FAM3C: variants seen among roughly 807,000 people sequenced by gnomAD.
FAM3C encodes FAM3 metabolism regulating signaling molecule C.
Under a neutral mutation model 32.5 loss-of-function variants are expected in FAM3C, and 15 were observed. The observed-to-expected ratio is 0.46, with a 90% CI of 0.31 to 0.71. The LOEUF is 0.71. Ranked by LOEUF, FAM3C falls within the 30% of genes least tolerant of loss-of-function variation. FAM3C has a pLI of 0.05. For missense variants in FAM3C, 175 were observed against 274.4 expected, an observed-to-expected ratio of 0.64 and a Z score of 2.56; for synonymous variants, 75 against 86.1, an observed-to-expected ratio of 0.87 and a Z score of 0.72.
intron 1 of FAM3C, among the ~76,000 whole-genome samples, chr7:121,391,254 A>G (rs760318864): frequency 7.9e-5 from 12 of 152,214 alleles, no homozygotes; most frequent in Non-Finnish European, 1.2e-4. Context: ...TTTGCCTGCT[A>G]TGAGTTCTAC....
At chr7:121,373,317 T>G (rs1271229359) in intron 3 of FAM3C, among the ~76,000 whole-genome samples, 3 of 152,192 alleles carry the variant, frequency 2.0e-5, no homozygotes, top group Admixed American at 2.0e-4. Flanking sequence ...AAAGCTCATT[T>G]TTATCCAATA....
chr7:121,390,311 T>G (rs1304639748), intron 1 of FAM3C, among the ~76,000 whole-genome samples: 1 of 152,192 alleles, frequency 6.6e-6, no homozygotes, highest in Non-Finnish European at 1.5e-5. Flanking sequence ...AAATTATAAC[T>G]GAAATGGTGA....
At chr7:121,389,655 T>G (rs981214918) in intron 1 of FAM3C, among the ~76,000 whole-genome samples, 4 of 152,016 alleles carry the variant, frequency 2.6e-5, no homozygotes, top group Non-Finnish European at 5.9e-5. Context: ...AATATTGCCA[T>G]TACATCCTAC....
chr7:121,350,621 C>T (rs1793685322), intron 9 of FAM3C, 71 bp from the exon 10 acceptor site: 12 of 1,466,006 alleles, frequency 8.2e-6, no homozygotes, highest in South Asian at 1.2e-5. Flanking sequence ...TAACATTTTA[C>T]ACACTTCTCA....
At chr7:121,360,566 C>T (rs1793898957) in intron 7 of FAM3C, among the ~76,000 whole-genome samples, 1 of 152,180 alleles carries the variant, frequency 6.6e-6, no homozygotes, top group African/African-American at 2.4e-5. Context: ...AGCACAGTGA[C>T]TCACATCTGT....
intron 8 of FAM3C, among the ~76,000 whole-genome samples, chr7:121,356,816 A>G (rs1793819071): frequency 6.6e-6 from 1 of 152,202 alleles, no homozygotes; most frequent in African/African-American, 2.4e-5. Flanking sequence ...TATCTCCTTT[A>G]TAACCAAAGA....
At chr7:121,359,991 G>T in intron 8 of FAM3C, 52 bp downstream of exon 8, 1 of 934,808 alleles carries the variant, frequency 1.1e-6, no homozygotes, top group Non-Finnish European at 1.7e-6. Context: ...AAAATGTATT[G>T]CTTTTATAAT....
intron 1 of FAM3C, among the ~76,000 whole-genome samples, chr7:121,386,692 C>CAT (rs60030100): frequency 0.038 from 5,556 of 147,090 alleles, 111 homozygotes; most frequent in Middle Eastern, 0.11. Flanking sequence ...CACACGCACA[C>CAT]ATATATATAT....
At chr7:121,357,230 A>AGAGT (rs1356230885) in intron 8 of FAM3C, among the ~76,000 whole-genome samples, 4 of 152,116 alleles carry the variant, frequency 2.6e-5, no homozygotes, top group Non-Finnish European at 4.4e-5. Context: ...CGAGAGAGAG[A>AGAGT]GAGTGAGTGA....
At chr7:121,395,824 A>G (rs1227880266) in intron 1 of FAM3C, among the ~76,000 whole-genome samples, 2 of 152,022 alleles carry the variant, frequency 1.3e-5, no homozygotes, top group African/African-American at 4.8e-5. Flanking sequence ...GCCACAGCCA[A>G]CCTGGGGAAG....
intron 8 of FAM3C, among the ~76,000 whole-genome samples, chr7:121,351,757 G>C (rs1281971069): frequency 6.6e-6 from 1 of 152,166 alleles, no homozygotes; most frequent in Non-Finnish European, 1.5e-5. Flanking sequence ...TGAATTTTGA[G>C]AACAGATATA....
chr7:121,363,784 C>G (rs2116895863), intron 6 of FAM3C, among the ~76,000 whole-genome samples: 1 of 152,280 alleles, frequency 6.6e-6, no homozygotes. Flanking sequence ...TCCCCCTACA[C>G]CATCCTTTGT....
chr7:121,363,477 T>C (rs1793966451), intron 6 of FAM3C, among the ~76,000 whole-genome samples: 2 of 152,144 alleles, frequency 1.3e-5, no homozygotes, highest in African/African-American at 2.4e-5. Flanking sequence ...AACAAAAATT[T>C]ACCTCTTGCT....
chr7:121,359,550 C>A (rs530219019), intron 8 of FAM3C, among the ~76,000 whole-genome samples: 40 of 151,972 alleles, frequency 2.6e-4, no homozygotes, highest in Middle Eastern at 3.4e-3. Context: ...GGTCTCTTTG[C>A]GCTTTTCTAT....
chr7:121,364,906 T>C (rs1405733166), intron 5 of FAM3C, among the ~76,000 whole-genome samples: 2 of 152,132 alleles, frequency 1.3e-5, no homozygotes. Context: ...AAACTAAAAT[T>C]GTGAGTTCTT....
At chr7:121,394,873 C>T (rs892367606) in intron 1 of FAM3C, among the ~76,000 whole-genome samples, 1 of 152,156 alleles carries the variant, frequency 6.6e-6, no homozygotes, top group Non-Finnish European at 1.5e-5. Context: ...TTTCTAAATT[C>T]AATAGAGATC....
Position 121,371,351 on chromosome 7 carries a change from G to A in FAM3C, c.221C>T (p.Ala74Val). Residue 74 changes from alanine to valine, a missense_variant, in exon 5 of 10, where the codon GCA becomes GTA. Transcript: ENST00000359943. ...CPEKHFAFKM[A>V]SGAANVVGPK... The stretch of plus-strand genomic sequence containing the variant: ...TCCCACCACGTTGGCTGCTCCACTT[G>A]CCATTTTAAAAGCAAAATGCTTCTC... The A allele has an allele frequency of 6.2e-7, 1 of 1,613,728 alleles. No homozygotes were observed. The highest frequency in any genetic ancestry group is 8.5e-7 in the Non-Finnish European group (1 of 1,179,880).
chr7:121,381,691 CGCAT>C (rs1407343961), intron 2 of FAM3C, among the ~76,000 whole-genome samples: 4 of 151,396 alleles, frequency 2.6e-5, no homozygotes, highest in Non-Finnish European at 4.4e-5. Flanking sequence ...CACACACACA[CGCAT>C]GCAACATAAA....
intron 7 of FAM3C, among the ~76,000 whole-genome samples, chr7:121,362,371 T>C (rs1490480742): frequency 6.6e-6 from 1 of 152,138 alleles, no homozygotes; most frequent in Non-Finnish European, 1.5e-5. Context: ...CCTAAAAAAT[T>C]AGCTGCAAGT....
Sources: allele counts gnomAD v4.1 joint callset (sites outside exome capture counted in the v4.1 genomes callset), GRCh38; gene constraint gnomAD v4.1.1; transcripts MANE v1.5; gene names NCBI Gene and HGNC (gene_info 2026-07-23, HGNC 2026-07-21).